DCDC1: variants seen among roughly 807,000 people sequenced by gnomAD.
DCDC1 encodes doublecortin domain-containing protein 1.
In DCDC1, 200 loss-of-function variants were observed where a neutral mutation model predicts 178.3. The observed-to-expected ratio is 1.12, with a 90% CI of 1.00 to 1.26. The LOEUF (loss-of-function observed/expected upper bound fraction) is 1.26. DCDC1 is among the 50% of genes most tolerant of loss of function. DCDC1 has a pLI of 0.00. For missense variants in DCDC1, 1,983 were observed against 1,749.2 expected (o/e 1.13, Z -2.38); for synonymous variants, 690 against 604.8 (o/e 1.14, Z -2.07).
chr11:31,160,919 A>T (rs564081965), intron 9 of DCDC1, among the ~76,000 whole-genome samples: 1 of 152,284 alleles, frequency 6.6e-6, no homozygotes. Context: ...ATTTCTGTAA[A>T]AGTTTGATTA....
chr11:30,961,444 G>A (rs145351984), intron 20 of DCDC1, among the ~76,000 whole-genome samples: 1 of 152,092 alleles, frequency 6.6e-6, no homozygotes, highest in East Asian at 1.9e-4. Flanking sequence ...GCTCAAATAA[G>A]CAGTGTCTAA....
At chr11:31,259,839 C>T (rs1455411496) in intron 8 of DCDC1, among the ~76,000 whole-genome samples, 2 of 152,180 alleles carry the variant, frequency 1.3e-5, no homozygotes, top group African/African-American at 4.8e-5. Flanking sequence ...CTCTTCTCTA[C>T]CTTCCCTCAC....
At chr11:31,188,228 C>G (rs1969736115) in intron 9 of DCDC1, among the ~76,000 whole-genome samples, 3 of 152,128 alleles carry the variant, frequency 2.0e-5, no homozygotes, top group Admixed American at 1.3e-4. Flanking sequence ...CCTACAACAA[C>G]AGAGATAGTA....
intron 20 of DCDC1, among the ~76,000 whole-genome samples, chr11:31,034,832 G>A (rs141736936): frequency 1.3e-5 from 2 of 152,250 alleles, no homozygotes; most frequent in African/African-American, 4.8e-5. Context: ...TTTTGTTAAT[G>A]ACTACTTTGT....
chr11:31,088,320 G>A (rs1957599135), intron 17 of DCDC1, among the ~76,000 whole-genome samples: 1 of 151,836 alleles, frequency 6.6e-6, no homozygotes, highest in South Asian at 2.1e-4. Flanking sequence ...TGCAATTATT[G>A]ATACACGTGG....
intron 9 of DCDC1, among the ~76,000 whole-genome samples, chr11:31,152,015 T>A (rs1373330858): frequency 6.6e-6 from 1 of 152,208 alleles, no homozygotes; most frequent in Non-Finnish European, 1.5e-5. Context: ...CTTGATGTAA[T>A]CATTTCATGA....
intron 17 of DCDC1, among the ~76,000 whole-genome samples, chr11:31,087,710 TCTTAAA>T: frequency 6.6e-6 from 1 of 152,286 alleles, no homozygotes; most frequent in South Asian, 2.1e-4. Flanking sequence ...ACTTGAATTT[TCTTAAA>T]CTTATTTAAA....
chr11:30,985,106 C>T (rs1242174948), intron 20 of DCDC1, among the ~76,000 whole-genome samples: 3 of 152,138 alleles, frequency 2.0e-5, no homozygotes, highest in Non-Finnish European at 4.4e-5. Flanking sequence ...ATAAAAAGCA[C>T]AACTTTTCGA....
intron 1 of DCDC1, among the ~76,000 whole-genome samples, chr11:31,342,484 T>A (rs1486703864): frequency 6.6e-6 from 1 of 152,192 alleles, no homozygotes; most frequent in Non-Finnish European, 1.5e-5. Context: ...TCAATAAATG[T>A]CCTAATCTGC....
At chr11:31,259,739 T>C (rs1246660898) in intron 8 of DCDC1, among the ~76,000 whole-genome samples, 3 of 152,166 alleles carry the variant, frequency 2.0e-5, no homozygotes, top group African/African-American at 7.2e-5. Flanking sequence ...TAATGGGAGA[T>C]TGCTTCCCAA....
intron 8 of DCDC1, among the ~76,000 whole-genome samples, chr11:31,262,183 C>T (rs1377872590): frequency 7.2e-5 from 11 of 151,732 alleles, no homozygotes; most frequent in Admixed American, 7.2e-4. Flanking sequence ...GGGAGGATTG[C>T]TTGAGCTTGG....
At position 30,905,001 on chromosome 11, in the gene DCDC1, T is replaced by G; in HGVS notation, c.4268A>C (p.Tyr1423Ser). The G allele has an allele frequency of 6.2e-7, 1 of 1,613,844 alleles. No homozygotes were observed. The highest frequency in any genetic ancestry group is 8.5e-7 in the Non-Finnish European group (1 of 1,179,750). ...AGCCACAATTAACTTCCCATTACGA[T>G]ACCCATCCCCATTTTTGTATGCAAT... is the stretch of plus-strand genomic sequence containing the variant. ...KIIAYKNGDG[Y>S]RNGKLIVAGT... The change falls in exon 31 of 39, where the codon TAT becomes TCT. Residue 1423 changes from tyrosine to serine, a missense_variant. Transcript: ENST00000684477.
rs1346866525 is a variant in DCDC1 at position 30,893,399 on chromosome 11, A to G, written c.4903-402T>C. ...TTCCTCTAACCAAGAAATGCAGACAAGAGTATACATGAGTGTTGTTTCAGT... is the reference window on the plus strand; with the variant it reads ...TTCCTCTAACCAAGAAATGCAGACAGGAGTATACATGAGTGTTGTTTCAGT... On this transcript the variant is annotated intron_variant, in intron 35 of 38. Transcript: ENST00000684477. Among the ~76,000 whole-genome samples the G allele has an allele frequency of 2.0e-5, 3 of 152,298 alleles. No homozygotes were observed. In the East Asian group the frequency reaches 5.8e-4, roughly 29 times the overall value.
At chr11:31,066,014 G>A (rs765581169) in intron 18 of DCDC1, among the ~76,000 whole-genome samples, 1 of 152,130 alleles carries the variant, frequency 6.6e-6, no homozygotes, top group Admixed American at 6.6e-5. Context: ...TAGCATAAAG[G>A]GGGGGATATA....
chr11:30,965,533 TTC>T (rs1949375702), intron 20 of DCDC1, among the ~76,000 whole-genome samples: 1 of 144,166 alleles, frequency 6.9e-6, no homozygotes, highest in Non-Finnish European at 1.6e-5. Flanking sequence ...CTTAGAAAAT[TTC>T]TTTTTTTTTT....
rs990375815 is a variant in DCDC1 at position 30,873,137 on chromosome 11, T to C, written c.*40+5407A>G. Among the ~76,000 whole-genome samples the C allele has an allele frequency of 4.0e-5, 6 of 151,154 alleles. 1 individual carries two copies. Among genetic ancestry groups the C allele is most frequent in the Non-Finnish European group, 2.9e-5 (2 of 67,818 alleles). On this transcript the variant is annotated intron_variant, in intron 38 of 38. Transcript: ENST00000684477. ...TCTCTCTCTATCTTCTGCATATATA[T>C]ACACACGCACAGTTTTAACATTGGG...
At chr11:31,337,416 C>T (rs774420019) in intron 1 of DCDC1, among the ~76,000 whole-genome samples, 1 of 152,230 alleles carries the variant, frequency 6.6e-6, no homozygotes, top group Non-Finnish European at 1.5e-5. Context: ...CGCCTGTAAT[C>T]CCGACACTGT....
chr11:31,179,972 G>T (rs544157250), intron 9 of DCDC1, among the ~76,000 whole-genome samples: 2 of 152,074 alleles, frequency 1.3e-5, no homozygotes, highest in Non-Finnish European at 2.9e-5. Context: ...GGAATGCAAG[G>T]GTGATTCAAC....
At chr11:31,104,351 T>G (rs1340656111) in intron 13 of DCDC1, among the ~76,000 whole-genome samples, 1 of 152,142 alleles carries the variant, frequency 6.6e-6, no homozygotes, top group Non-Finnish European at 1.5e-5. Context: ...TCTCTAGAAT[T>G]AAAAATCAAC....
Sources: allele counts gnomAD v4.1 joint callset (sites outside exome capture counted in the v4.1 genomes callset), GRCh38; gene constraint gnomAD v4.1.1; transcripts MANE v1.5; gene names NCBI Gene and HGNC (gene_info 2026-07-23, HGNC 2026-07-21).